The following GALNTL5 variants were observed in gnomAD, a reference collection of about 807,000 sequenced individuals.
GALNTL5 encodes polypeptide N-acetylgalactosaminyltransferase like 5.
In GALNTL5, 44 loss-of-function variants were observed where a neutral mutation model predicts 51.0. The ratio of observed to expected loss-of-function variants is 0.86; its 90% confidence interval spans 0.68 to 1.11. The LOEUF is 1.11. GALNTL5 is among the 50% of genes least tolerant of loss of function. The probability of loss-of-function intolerance (pLI) is 0.00; values close to 1 mark genes in which losing one functional copy is unlikely to be tolerated. For synonymous variants in GALNTL5, 192 were observed against 182.8 expected (o/e 1.05, Z -0.41); for missense variants, 528 against 531.8 (o/e 0.99, Z 0.07).
intron 3 of GALNTL5, among the ~76,000 whole-genome samples, chr7:151,981,550 C>T (rs1039391606): frequency 1.5e-5 from 1 of 66,862 alleles, no homozygotes; most frequent in Admixed American, 1.6e-4. Context: ...TCTTCCCTTC[C>T]TTCCTTCCTT....
intron 1 of GALNTL5, among the ~76,000 whole-genome samples, chr7:151,958,102 T>C (rs994446760): frequency 3.9e-5 from 6 of 152,224 alleles, no homozygotes; most frequent in Admixed American, 2.6e-4. Flanking sequence ...TATTTTTCAG[T>C]AATAATCCTA....
intron 5 of GALNTL5, among the ~76,000 whole-genome samples, chr7:151,998,476 A>G (rs2081527970): frequency 6.6e-6 from 1 of 152,236 alleles, no homozygotes; most frequent in African/African-American, 2.4e-5. Context: ...AAATCCATTA[A>G]AAATACAACT....
chr7:151,969,374 A>AT (rs145867658), intron 2 of GALNTL5, among the ~76,000 whole-genome samples: 297 of 152,276 alleles, frequency 2.0e-3, no homozygotes, highest in African/African-American at 7.0e-3. Flanking sequence ...ATAAATGCTC[A>AT]TTTTTTCCAT....
chr7:151,960,556 G>A (rs183993586), intron 1 of GALNTL5: 3 of 152,444 alleles, frequency 2.0e-5, no homozygotes, highest in Admixed American at 2.0e-4. Flanking sequence ...AACACTGCAA[G>A]GCAGGGACAC....
At chr7:151,967,915 G>T (rs1460568195) in intron 2 of GALNTL5, among the ~76,000 whole-genome samples, 3 of 151,908 alleles carry the variant, frequency 2.0e-5, no homozygotes, top group African/African-American at 7.3e-5. Flanking sequence ...ATATTTTTAG[G>T]TATTCTGATA....
intron 1 of GALNTL5, chr7:151,957,633 T>C (rs12531925): frequency 0.22 from 32,909 of 151,530 alleles, 4,111 homozygotes; most frequent in Admixed American, 0.32. Flanking sequence ...GGCGTGTTGG[T>C]GGGGGCATGT....
intron 5 of GALNTL5, among the ~76,000 whole-genome samples, chr7:151,996,230 T>C (rs2081498663): frequency 6.6e-6 from 1 of 152,038 alleles, no homozygotes; most frequent in African/African-American, 2.4e-5. Flanking sequence ...TATTATACTT[T>C]AAGTTTTAGG....
intron 5 of GALNTL5, among the ~76,000 whole-genome samples, chr7:151,987,646 G>A (rs1394288912): frequency 6.6e-6 from 1 of 151,940 alleles, no homozygotes; most frequent in South Asian, 2.1e-4. Flanking sequence ...GAGCTGCAGC[G>A]CTCATCCACG....
intron 5 of GALNTL5, among the ~76,000 whole-genome samples, chr7:151,997,548 G>A (rs1349355554): frequency 2.6e-5 from 4 of 152,176 alleles, no homozygotes; most frequent in African/African-American, 9.6e-5. Flanking sequence ...GTGCTAGGTG[G>A]CCTGTTCCCA....
At chr7:151,991,169 T>C (rs766834875) in intron 5 of GALNTL5, among the ~76,000 whole-genome samples, 23 of 152,148 alleles carry the variant, frequency 1.5e-4, no homozygotes, top group Admixed American at 2.6e-4. Context: ...CTCGGCTCAC[T>C]GCAACCTCAG....
chr7:151,970,469 T>G (rs4725438), intron 2 of GALNTL5: 100,626 of 156,372 alleles, frequency 0.64, 33,402 homozygotes, highest in South Asian at 0.81. Flanking sequence ...AGGATGTGTT[T>G]GGGTTACGTG....
intron 5 of GALNTL5, among the ~76,000 whole-genome samples, chr7:151,998,770 T>TAAAAAA (rs1447916747): frequency 1.4e-5 from 1 of 71,416 alleles, no homozygotes; most frequent in Admixed American, 1.4e-4. Flanking sequence ...AGACTCTATC[T>TAAAAAA]AAAAAAAAAA....
chr7:151,999,894 C>T (rs561369379), intron 5 of GALNTL5, among the ~76,000 whole-genome samples: 61 of 152,134 alleles, frequency 4.0e-4, no homozygotes, highest in Non-Finnish European at 6.6e-4. Context: ...AGACTGACCA[C>T]GATAAAGATA....
chr7:151,963,184 G>A (rs2081013277), intron 1 of GALNTL5, among the ~76,000 whole-genome samples: 1 of 152,162 alleles, frequency 6.6e-6, no homozygotes, highest in African/African-American at 2.4e-5. Context: ...GGGGCATTCT[G>A]TGGGCCCCTT....
chr7:151,979,760 A>ATTTTTTTATTTCAACTC, intron 3 of GALNTL5, among the ~76,000 whole-genome samples: 1 of 151,982 alleles, frequency 6.6e-6, no homozygotes. Context: ...CCTGGCCAGG[A>ATTTTTTTATTTCAACTC]AAGTTTTTAT....
intron 1 of GALNTL5, among the ~76,000 whole-genome samples, chr7:151,958,437 G>A (rs1181967981): frequency 6.6e-6 from 1 of 152,204 alleles, no homozygotes; most frequent in African/African-American, 2.4e-5. Flanking sequence ...CTCTCACCTG[G>A]GGAGTCCCAA....
chr7:151,992,313 C>T (rs1305202476), intron 5 of GALNTL5, among the ~76,000 whole-genome samples: 1 of 152,148 alleles, frequency 6.6e-6, no homozygotes, highest in East Asian at 1.9e-4. Context: ...TATTAGTTTC[C>T]TAGGACTGTT....
chr7:152,011,303 G>T (rs960717706), intron 7 of GALNTL5, among the ~76,000 whole-genome samples: 4 of 152,244 alleles, frequency 2.6e-5, no homozygotes, highest in African/African-American at 9.6e-5. Context: ...GAAAGTGATG[G>T]TTCGTGGATG....
intron 5 of GALNTL5, chr7:151,995,204 G>T: frequency 6.6e-6 from 1 of 152,292 alleles, no homozygotes; most frequent in Non-Finnish European, 1.5e-5. Flanking sequence ...GTACCTGCAG[G>T]GCATGAAGGA....
Sources: gnomAD v4.1 joint callset for allele counts (sites outside exome capture counted in the v4.1 genomes callset) on GRCh38, gnomAD v4.1.1 for gene constraint, MANE v1.5 for transcripts, NCBI Gene and HGNC (gene_info 2026-07-23, HGNC 2026-07-21) for gene names.